Variants in CADM2 observed in about 807,000 individuals in gnomAD.
CADM2 encodes the protein cell adhesion molecule 2.
CADM2 carries 12 observed loss-of-function variants against 49.8 expected under a neutral mutation model. That is an observed-to-expected ratio of 0.24 (90% CI 0.15 to 0.39). The LOEUF (loss-of-function observed/expected upper bound fraction) is 0.39. Among genes scored for constraint, CADM2 ranks in the 10% least tolerant of loss-of-function variants. The probability of loss-of-function intolerance (pLI) is 1.00; values close to 1 mark genes in which losing one functional copy is unlikely to be tolerated. For synonymous variants in CADM2, 214 were observed against 175.4 expected (o/e 1.22, Z -1.74); for missense variants, 378 against 492.3 (o/e 0.77, Z 2.20).
intron 1 of CADM2, among the ~76,000 whole-genome samples, chr3:85,502,897 A>G (rs1418407622): frequency 1.3e-5 from 2 of 152,100 alleles, no homozygotes; most frequent in East Asian, 1.9e-4. Context: ...TCATGATATA[A>G]CCTTTTTTTG....
chr3:85,000,110 T>C (rs1383217124), intron 1 of CADM2, among the ~76,000 whole-genome samples: 2 of 133,268 alleles, frequency 1.5e-5, no homozygotes, highest in African/African-American at 5.8e-5. Flanking sequence ...AGGTTGCTTC[T>C]ACTTTCTCTC....
intron 3 of CADM2, among the ~76,000 whole-genome samples, chr3:85,850,574 C>T (rs1276725954): frequency 6.6e-6 from 1 of 151,892 alleles, no homozygotes; most frequent in Non-Finnish European, 1.5e-5. Flanking sequence ...CTGATCCGCC[C>T]GCCTCGGCCT....
intron 1 of CADM2, among the ~76,000 whole-genome samples, chr3:85,110,826 G>T (rs1405355924): frequency 6.6e-6 from 1 of 151,764 alleles, no homozygotes; most frequent in Non-Finnish European, 1.5e-5. Context: ...GAAGAAGGAA[G>T]GATCTCAGCG....
rs116487813 is a variant in CADM2 at position 85,391,621 on chromosome 3, T to C, written c.62-334901T>C. Among the ~76,000 whole-genome samples, 862 of 152,236 alleles carry C rather than the reference T, an allele frequency of 5.7e-3. 6 individuals carry two copies. Among genetic ancestry groups the C allele is most frequent in the South Asian group, 0.016 (75 of 4,832 alleles). On this transcript the variant is annotated intron_variant, in intron 1 of 9. Transcript: ENST00000383699. ...TTATATTGTGCAATACAAATCTTTGTTTTGATAAGGATACTAAAATTATCT... is the reference window on the plus strand; with the variant it reads ...TTATATTGTGCAATACAAATCTTTGCTTTGATAAGGATACTAAAATTATCT...
intron 1 of CADM2, among the ~76,000 whole-genome samples, chr3:85,543,398 G>T (rs1473376738): frequency 1.4e-5 from 2 of 138,056 alleles, no homozygotes; most frequent in African/African-American, 2.6e-5. Flanking sequence ...GGGATTACAG[G>T]CACCGCCACC....
intron 1 of CADM2, among the ~76,000 whole-genome samples, chr3:85,038,759 A>G (rs1189157147): frequency 6.6e-6 from 1 of 152,184 alleles, no homozygotes; most frequent in Non-Finnish European, 1.5e-5. Flanking sequence ...TCACTCAATT[A>G]TAATCTAGTG....
intron 1 of CADM2, among the ~76,000 whole-genome samples, chr3:85,367,813 A>G (rs2032899648): frequency 1.0e-5 from 1 of 98,500 alleles, no homozygotes; most frequent in African/African-American, 3.5e-5. Flanking sequence ...TTTCTAGTAC[A>G]TATATATATA....
At chr3:85,930,335 G>A (rs550085431) in intron 6 of CADM2, among the ~76,000 whole-genome samples, 4 of 151,896 alleles carry the variant, frequency 2.6e-5, no homozygotes, top group African/African-American at 4.8e-5. Context: ...TACATAATTG[G>A]TGTATATATT....
In CADM2 at chr3:85,883,364, T is replaced by G. The variant is rs907008747; in HGVS notation, c.312T>G (p.Ser104=). The stretch of plus-strand genomic sequence containing the variant: ...TGAGTATTAGTGTCAGTGATGTGTC[T>G]CTCTCTGATGAAGGACAGTACACCT... ...HELSISVSDV[S]LSDEGQYTCS... The change falls in exon 4 of 10, where the codon TCT becomes TCG. Residue 104 remains serine (S), a synonymous_variant. Coordinates refer to ENST00000383699, the MANE Select transcript of CADM2 (RefSeq NM_001167675.2). 4.3e-6 allele frequency: 7 copies of G among 1,613,408 alleles called. No homozygotes were observed. The highest frequency in any genetic ancestry group is 1.1e-5 in the South Asian group (1 of 91,058).
chr3:85,356,996 T>G (rs531551629), intron 1 of CADM2, among the ~76,000 whole-genome samples: 1 of 152,246 alleles, frequency 6.6e-6, no homozygotes, highest in Admixed American at 6.6e-5. Context: ...TACCAGTTAT[T>G]CTATGATTAA....
chr3:85,494,625 G>A (rs1007476369), intron 1 of CADM2, among the ~76,000 whole-genome samples: 4 of 152,118 alleles, frequency 2.6e-5, no homozygotes, highest in African/African-American at 9.7e-5. Context: ...AGACATGGCT[G>A]TATTACATAG....
At chr3:85,736,464 TG>T (rs1448331358) in intron 2 of CADM2, among the ~76,000 whole-genome samples, 1 of 152,130 alleles carries the variant, frequency 6.6e-6, no homozygotes, top group Admixed American at 6.6e-5. Context: ...GAGCATTAAC[TG>T]GGCAACAGAG....
chr3:85,628,580 C>T (rs202104864), intron 1 of CADM2, among the ~76,000 whole-genome samples: 55 of 142,690 alleles, frequency 3.9e-4, no homozygotes, highest in African/African-American at 6.5e-4. Flanking sequence ...TATATACACA[C>T]ACATATATAT....
At chr3:85,019,478 G>T (rs545450593) in intron 1 of CADM2, among the ~76,000 whole-genome samples, 2 of 152,094 alleles carry the variant, frequency 1.3e-5, no homozygotes, top group South Asian at 4.1e-4. Context: ...GTGAGATCCT[G>T]TATGAAAAAA....
intron 1 of CADM2, among the ~76,000 whole-genome samples, chr3:85,475,001 A>G (rs1011396162): frequency 2.0e-5 from 3 of 151,918 alleles, no homozygotes; most frequent in Non-Finnish European, 2.9e-5. Flanking sequence ...CACCGGCACA[A>G]TCATGAAACT....
At chr3:85,076,151 TTAAA>T (rs1387300712) in intron 1 of CADM2, among the ~76,000 whole-genome samples, 1 of 152,254 alleles carries the variant, frequency 6.6e-6, no homozygotes, top group Admixed American at 6.5e-5. Flanking sequence ...CATTTAATCT[TTAAA>T]TAATTATCCT....
intron 1 of CADM2, among the ~76,000 whole-genome samples, chr3:85,526,752 T>C (rs961183261): frequency 6.6e-6 from 1 of 152,172 alleles, no homozygotes; most frequent in Non-Finnish European, 1.5e-5. Context: ...TCAACTTGTA[T>C]GAACCTGAAT....
rs1013220454 is a variant in CADM2 at position 86,069,097 on chromosome 3, A to G, written c.*2314A>G. 1 of 151,988 alleles carries G rather than the reference A, an allele frequency of 6.6e-6. No individual in the cohort carries two copies. Among genetic ancestry groups the G allele is most frequent in the Non-Finnish European group, 1.5e-5 (1 of 67,852 alleles). 9.4% of individuals were successfully genotyped at this position (151,988 alleles called of 1,614,324 possible). A position where few individuals can be genotyped will look rare whatever the true frequency, so the allele number is the denominator to read the frequency against. ...TTACTATGTAAAGCCTAATTTCAGG[A>G]TGCACTTACAAAATTGCTACTCTTC... On this transcript the variant is annotated 3_prime_UTR_variant, in exon 10 of 10. Transcript: ENST00000383699.
At chr3:85,458,368 A>G (rs1465183932) in intron 1 of CADM2, among the ~76,000 whole-genome samples, 1 of 152,192 alleles carries the variant, frequency 6.6e-6, no homozygotes, top group Non-Finnish European at 1.5e-5. Context: ...ATCTTTGAAT[A>G]ATGGAAAGTT....
Sources: gnomAD v4.1 joint callset for allele counts (sites outside exome capture counted in the v4.1 genomes callset) on GRCh38, gnomAD v4.1.1 for gene constraint, MANE v1.5 for transcripts, NCBI Gene and HGNC (gene_info 2026-07-23, HGNC 2026-07-21) for gene names.